Variants in LSAMP observed in about 807,000 individuals in gnomAD.
The protein encoded by LSAMP is limbic system-associated membrane protein.
In LSAMP, 7 loss-of-function variants were observed where a neutral mutation model predicts 38.6. The observed-to-expected ratio is 0.18, with a 90% CI of 0.10 to 0.34. The LOEUF is 0.34. LSAMP is among the 10% of genes least tolerant of loss of function. LSAMP has a pLI of 1.00. For missense variants in LSAMP, 313 were observed against 420.0 expected (o/e 0.75, Z 2.23); for synonymous variants, 154 against 166.8 (o/e 0.92, Z 0.59).
chr3:115,966,721 G>A (rs1005523138), intron 3 of LSAMP, among the ~76,000 whole-genome samples: 3 of 151,982 alleles, frequency 2.0e-5, no homozygotes, highest in African/African-American at 7.3e-5. Flanking sequence ...GAAACCATAA[G>A]CATAATATGA....
intron 6 of LSAMP, chr3:115,838,161 A>G (rs997294607): frequency 6.6e-6 from 1 of 152,274 alleles, no homozygotes; most frequent in Non-Finnish European, 1.5e-5. Flanking sequence ...CCTGTTTCTG[A>G]CACAAAAATA....
At chr3:116,248,999 A>G (rs2107646374) in intron 1 of LSAMP, among the ~76,000 whole-genome samples, 1 of 152,118 alleles carries the variant, frequency 6.6e-6, no homozygotes, top group African/African-American at 2.4e-5. Flanking sequence ...ATACAAAAAA[A>G]TTAGCCGGGC....
intron 1 of LSAMP, among the ~76,000 whole-genome samples, chr3:116,273,101 G>A (rs979005334): frequency 6.6e-6 from 1 of 152,100 alleles, no homozygotes; most frequent in African/African-American, 2.4e-5. Flanking sequence ...TTCAGAAAGA[G>A]ATAAGCAGGA....
intron 1 of LSAMP, among the ~76,000 whole-genome samples, chr3:116,167,043 G>C (rs548727182): frequency 6.6e-6 from 1 of 151,950 alleles, no homozygotes; most frequent in East Asian, 1.9e-4. Context: ...CGCCCGCCTT[G>C]GCCTCCCAAA....
intron 1 of LSAMP, among the ~76,000 whole-genome samples, chr3:116,416,418 T>C (rs950392197): frequency 6.6e-6 from 1 of 152,168 alleles, no homozygotes; most frequent in African/African-American, 2.4e-5. Flanking sequence ...CAGTTTAAGA[T>C]ACTACATTTG....
intron 3 of LSAMP, among the ~76,000 whole-genome samples, chr3:115,980,123 T>C (rs78763694): frequency 0.01 from 1,588 of 152,276 alleles, 13 homozygotes; most frequent in African/African-American, 0.018. Flanking sequence ...TCTGAGAGTT[T>C]AACCTAGAAT....
intron 2 of LSAMP, among the ~76,000 whole-genome samples, chr3:116,053,283 TGG>T (rs1941429694): frequency 6.6e-6 from 1 of 152,204 alleles, no homozygotes; most frequent in African/African-American, 2.4e-5. Flanking sequence ...AATTAAATCA[TGG>T]TTATTGAGCT....
In LSAMP at chr3:115,810,299, T is replaced by C; in HGVS notation, c.*18A>G. The C allele has an allele frequency of 6.5e-7, 1 of 1,535,524 alleles. No individual in the cohort carries two copies. Among genetic ancestry groups the C allele is most frequent in the Non-Finnish European group, 8.9e-7 (1 of 1,128,890 alleles). On this transcript the variant is annotated 3_prime_UTR_variant, in exon 7 of 7. Transcript: ENST00000490035. ...CATTTTTGTGTGTTTTTTAAATTATTTTTAAATTTTTATTCTATTAACATT... is the reference window on the plus strand; with the variant it reads ...CATTTTTGTGTGTTTTTTAAATTATCTTTAAATTTTTATTCTATTAACATT...
In LSAMP at chr3:116,175,825, C is replaced by A. The variant is rs151337503; in HGVS notation, c.156-89269G>T. On this transcript the variant is annotated intron_variant, in intron 1 of 6. Coordinates refer to ENST00000490035, the MANE Select transcript of LSAMP (RefSeq NM_002338.5). ...ATGCTAAGAAGCAGAGCCAAAGTTTCTGGTACTTTCAGTACAATGCAGAGA... is the reference window on the plus strand; with the variant it reads ...ATGCTAAGAAGCAGAGCCAAAGTTTATGGTACTTTCAGTACAATGCAGAGA... Among the ~76,000 whole-genome samples, 528 of 152,168 alleles carry A rather than the reference C, an allele frequency of 3.5e-3. 15 individuals are homozygous for A. The highest frequency in any genetic ancestry group is 9.3e-4 in the Non-Finnish European group (63 of 67,972).
chr3:116,202,426 G>C (rs1457953908), intron 1 of LSAMP, among the ~76,000 whole-genome samples: 2 of 150,246 alleles, frequency 1.3e-5, no homozygotes, highest in African/African-American at 4.9e-5. Flanking sequence ...GAGCCACTGT[G>C]CCCAGCCCAC....
intron 1 of LSAMP, among the ~76,000 whole-genome samples, chr3:116,089,498 C>T (rs1243851070): frequency 6.6e-6 from 1 of 152,178 alleles, no homozygotes; most frequent in Non-Finnish European, 1.5e-5. Context: ...GCTGGCACTA[C>T]AGGCGCCTGC....
At position 115,806,189 on chromosome 3, in the gene LSAMP, CTT is replaced by C. The variant is rs1933626132; in HGVS notation, c.*4126_*4127del. 1 of 152,148 alleles carries C rather than the reference CTT, an allele frequency of 6.6e-6. No homozygotes were observed. The highest frequency in any genetic ancestry group is 1.5e-5 in the Non-Finnish European group (1 of 68,012). 9.4% of individuals were successfully genotyped at this position (152,148 alleles called of 1,614,324 possible). On this transcript the variant is annotated 3_prime_UTR_variant, in exon 7 of 7. Coordinates refer to ENST00000490035, the MANE Select transcript of LSAMP (RefSeq NM_002338.5). ...AAACGGAAAAAGTGGGGCTCTATGT[CTT>C]TCTACGTGAGCATAGATTTTCTTTC... is the stretch of plus-strand genomic sequence containing the variant.
intron 1 of LSAMP, among the ~76,000 whole-genome samples, chr3:116,379,259 T>C (rs1031604418): frequency 1.3e-5 from 2 of 152,060 alleles, no homozygotes; most frequent in African/African-American, 4.8e-5. Context: ...ATGTTTTCAG[T>C]GTCATGCTGA....
Position 115,842,472 on chromosome 3 carries a change from G to C in LSAMP, c.756C>G (p.Tyr252Ter). The C allele has an allele frequency of 1.9e-6, 3 of 1,613,854 alleles. No homozygotes were observed. Among genetic ancestry groups the C allele is most frequent in the Non-Finnish European group, 2.5e-6 (3 of 1,179,828 alleles). The change falls in exon 5 of 7, where the codon TAC (tyrosine) becomes TAG (stop). Residue 252 changes from tyrosine to a stop codon, truncating the protein, a stop_gained. Coordinates refer to ENST00000490035, the MANE Select transcript of LSAMP (RefSeq NM_002338.5). LOFTEE classifies it high-confidence loss of function. ...SAVPAPDFEW[Y>*]RDDTRINSAN... ...TTGGCACATACCTAGTGTCATCCCGGTACCACTCAAAGTCAGGTGCAGGCA... is the reference window on the plus strand; with the variant it reads ...TTGGCACATACCTAGTGTCATCCCGCTACCACTCAAAGTCAGGTGCAGGCA...
chr3:116,204,245 G>T, intron 1 of LSAMP, among the ~76,000 whole-genome samples: 1 of 150,552 alleles, frequency 6.6e-6, no homozygotes. Flanking sequence ...TTTTGATGGG[G>T]TTGTTTGTTT....
At chr3:116,248,489 GTGTGTGTGT>G in intron 1 of LSAMP, among the ~76,000 whole-genome samples, 1 of 115,884 alleles carries the variant, frequency 8.6e-6, no homozygotes, top group African/African-American at 3.7e-5. Flanking sequence ...GTGTGTGTGT[GTGTGTGTGT>G]GTGTGTGTGT....
At chr3:115,908,231 AT>A (rs1317547271) in intron 3 of LSAMP, among the ~76,000 whole-genome samples, 1 of 152,058 alleles carries the variant, frequency 6.6e-6, no homozygotes, top group Non-Finnish European at 1.5e-5. Context: ...CTCAGTTTAT[AT>A]ATATATAAGT....
At chr3:116,343,414 T>C (rs1335388492) in intron 1 of LSAMP, among the ~76,000 whole-genome samples, 1 of 152,114 alleles carries the variant, frequency 6.6e-6, no homozygotes, top group Non-Finnish European at 1.5e-5. Context: ...AGCAATATAA[T>C]AATCACCAGG....
intron 1 of LSAMP, among the ~76,000 whole-genome samples, chr3:116,108,152 T>C (rs1374455671): frequency 2.0e-5 from 3 of 152,148 alleles, no homozygotes; most frequent in Non-Finnish European, 4.4e-5. Context: ...AGATATCTTA[T>C]ACTTATGGAT....
Sources: gnomAD v4.1 joint callset for allele counts (sites outside exome capture counted in the v4.1 genomes callset) on GRCh38, gnomAD v4.1.1 for gene constraint, MANE v1.5 for transcripts, NCBI Gene and HGNC (gene_info 2026-07-23, HGNC 2026-07-21) for gene names.